Variants in PITPNA observed in about 807,000 individuals in gnomAD.
PITPNA encodes the protein phosphatidylinositol transfer protein alpha, also known as phosphatidylinositol transfer protein alpha isoform.
A neutral mutation model predicts 50.3 loss-of-function variants in PITPNA; 13 were observed. That is an observed-to-expected ratio of 0.26 (90% CI 0.17 to 0.41). The LOEUF (loss-of-function observed/expected upper bound fraction) is 0.41, where lower values mean the gene tolerates loss of function less well. Ranked by LOEUF, PITPNA falls within the 10% of genes least tolerant of loss-of-function variation. The probability of loss-of-function intolerance (pLI) is 1.00; values close to 1 mark genes in which losing one functional copy is unlikely to be tolerated. For missense variants in PITPNA, 207 were observed against 333.4 expected (o/e 0.62, Z 2.95); for synonymous variants, 120 against 119.6 (o/e 1.00, Z -0.02).
At chr17:1,535,952 TG>T (rs1197886282) in intron 7 of PITPNA, 1 of 194,200 alleles carries the variant, frequency 5.1e-6, no homozygotes, top group Non-Finnish European at 1.1e-5. Context: ...TCTCTGCAAG[TG>T]ACTCTAAAAT....
intron 7 of PITPNA, among the ~76,000 whole-genome samples, chr17:1,537,074 T>C (rs897816872): frequency 1.4e-5 from 2 of 147,868 alleles, no homozygotes; most frequent in African/African-American, 4.9e-5. Flanking sequence ...AATTTTGTAT[T>C]TTTTTTTTTT....
intron 10 of PITPNA, among the ~76,000 whole-genome samples, chr17:1,524,084 A>G (rs547262112): frequency 8.8e-5 from 12 of 135,696 alleles, no homozygotes; most frequent in African/African-American, 3.1e-4. Context: ...TCGCTCAGTC[A>G]CCCAGGCTGG....
chr17:1,557,762 C>T (rs1044619992), intron 2 of PITPNA, among the ~76,000 whole-genome samples: 3 of 152,178 alleles, frequency 2.0e-5, no homozygotes, highest in Non-Finnish European at 2.9e-5. Context: ...TATTCCCTGC[C>T]CTTCGTAAAA....
At chr17:1,550,034 G>A (rs1296234709) in intron 3 of PITPNA, among the ~76,000 whole-genome samples, 2 of 152,196 alleles carry the variant, frequency 1.3e-5, no homozygotes, top group African/African-American at 4.8e-5. Context: ...AACCTCATCA[G>A]CTTTAGTGCC....
chr17:1,546,994 T>TA (rs1048974355), intron 4 of PITPNA, among the ~76,000 whole-genome samples: 1 of 151,890 alleles, frequency 6.6e-6, no homozygotes, highest in Non-Finnish European at 1.5e-5. Flanking sequence ...TATTATAAAT[T>TA]AAAAAACAAA....
chr17:1,559,160 C>T (rs1046620705), intron 1 of PITPNA, among the ~76,000 whole-genome samples: 1 of 152,146 alleles, frequency 6.6e-6, no homozygotes, highest in Non-Finnish European at 1.5e-5. Flanking sequence ...GAACACACAC[C>T]GGGCATCTCT....
chr17:1,548,086 G>A (rs2075687364), intron 4 of PITPNA, among the ~76,000 whole-genome samples: 1 of 152,236 alleles, frequency 6.6e-6, no homozygotes, highest in African/African-American at 2.4e-5. Flanking sequence ...ATCCCCAAGT[G>A]AGAGACTGGC....
Position 1,520,274 on chromosome 17 carries a change from CG to C in PITPNA, c.*286del, listed in dbSNP as rs1567572980. The C allele has an allele frequency of 6.6e-6, 1 of 152,178 alleles. No homozygotes were observed. The highest frequency in any genetic ancestry group is 1.5e-5 in the Non-Finnish European group (1 of 68,004). 9.4% of individuals were successfully genotyped at this position (152,178 alleles called of 1,614,324 possible). A position where few individuals can be genotyped will look rare whatever the true frequency, so the allele number is the denominator to read the frequency against. ...GTTGGGGGAACACACAGAAATGGAT[CG>C]GAACACAATGGAGAGAGACGGAGGC... On this transcript the variant is annotated 3_prime_UTR_variant, in exon 12 of 12. Coordinates refer to ENST00000313486, the MANE Select transcript of PITPNA (RefSeq NM_006224.4).
At chr17:1,557,817 C>G (rs2075743517) in intron 2 of PITPNA, among the ~76,000 whole-genome samples, 1 of 152,200 alleles carries the variant, frequency 6.6e-6, no homozygotes, top group South Asian at 2.1e-4. Flanking sequence ...CCTATCGTGG[C>G]TAGGGAGAGC....
Position 1,562,261 on chromosome 17 carries a change from C to T in PITPNA, c.20+280G>A, listed in dbSNP as rs1567590379. On this transcript the variant is annotated intron_variant, in intron 1 of 11. Transcript: ENST00000313486. The surrounding 1 kb of genome is among the most constrained non-coding windows in gnomAD (Gnocchi z 6.4). ...CCCCTCCATGCCCCGGCTGCCCGTC[C>T]ATGCCCCGTGGGCCCCGGCTCAGAT... is the stretch of plus-strand genomic sequence containing the variant. Among the ~76,000 whole-genome samples, 1 of 151,748 alleles carries T rather than the reference C, an allele frequency of 6.6e-6. No individual in the cohort carries two copies. Among genetic ancestry groups the T allele is most frequent in the Non-Finnish European group, 1.5e-5 (1 of 67,860 alleles).
rs1415926265 is a variant in PITPNA at position 1,519,906 on chromosome 17, G to T, written c.*655C>A. ...GTAGTAACTAGAGATTCAGTGATTG[G>T]GACAGGGTTACTCGTATTTGTTAAA... On this transcript the variant is annotated 3_prime_UTR_variant, in exon 12 of 12. Coordinates refer to ENST00000313486, the MANE Select transcript of PITPNA (RefSeq NM_006224.4). 1 of 152,212 alleles carries T rather than the reference G, an allele frequency of 6.6e-6. No individual in the cohort carries two copies. Among genetic ancestry groups the T allele is most frequent in the Non-Finnish European group, 1.5e-5 (1 of 68,082 alleles). The allele number at this position is 152,212 out of a possible 1,614,324, so 9.4% of individuals were successfully genotyped here. A position where few individuals can be genotyped will look rare whatever the true frequency, so the allele number is the denominator to read the frequency against.
chr17:1,522,071 C>CTTT (rs1555530261), intron 10 of PITPNA, among the ~76,000 whole-genome samples: 2 of 141,668 alleles, frequency 1.4e-5, no homozygotes, highest in Admixed American at 7.0e-5. Flanking sequence ...TATGAAACAT[C>CTTT]TTTTTTTTTT....
At chr17:1,555,011 C>A (rs973490269) in intron 2 of PITPNA, among the ~76,000 whole-genome samples, 1 of 152,168 alleles carries the variant, frequency 6.6e-6, no homozygotes, top group Non-Finnish European at 1.5e-5. Context: ...TGGGTCAGGG[C>A]TTGGCTGAGC....
intron 4 of PITPNA, among the ~76,000 whole-genome samples, chr17:1,547,415 C>T (rs1278848875): frequency 6.6e-6 from 1 of 151,958 alleles, no homozygotes; most frequent in Non-Finnish European, 1.5e-5. Context: ...TCTGGGAGGC[C>T]GAGGCAGGTG....
intron 3 of PITPNA, among the ~76,000 whole-genome samples, chr17:1,551,545 G>A (rs965549125): frequency 5.3e-5 from 8 of 152,034 alleles, no homozygotes; most frequent in Admixed American, 3.9e-4. Context: ...CATCCGTCTC[G>A]GCCTCCCAAA....
rs574710349 is a variant in PITPNA at position 1,545,842 on chromosome 17, C to G, written c.289+2454G>C. The stretch of plus-strand genomic sequence containing the variant: ...TGTCCACACTTGCAACACATGCTCA[C>G]TGCGACTCTCTTAGACATCAAGAAA... On this transcript the variant is annotated intron_variant, in intron 4 of 11. Transcript: ENST00000313486. Among the ~76,000 whole-genome samples the G allele has an allele frequency of 1.3e-4, 19 of 151,684 alleles. No homozygotes were observed. In the East Asian group the frequency reaches 3.5e-3, roughly 28 times the overall value.
chr17:1,542,632 C>T (rs1248876126), intron 5 of PITPNA, among the ~76,000 whole-genome samples: 1 of 152,208 alleles, frequency 6.6e-6, no homozygotes, highest in Non-Finnish European at 1.5e-5. Flanking sequence ...AGAAACCCCG[C>T]TGACTTCACG....
At chr17:1,521,684 T>TGCTGATGG (rs1221105089) in intron 10 of PITPNA, 39 bp from the exon 11 acceptor site, 1 of 1,572,938 alleles carries the variant, frequency 6.4e-7, no homozygotes, top group Non-Finnish European at 8.7e-7. Context: ...AGGCTCCTGC[T>TGCTGATGG]GCTGATGGAA....
rs1351928413 is a variant in PITPNA at position 1,553,162 on chromosome 17, G to C, written c.52-13C>G. ...GCCCCACTTGATACTAAAGGACAGA[G>C]ACAGATGTTATTCTCAACACGGACC... On this transcript the variant is annotated splice_polypyrimidine_tract_variant and intron_variant, in intron 2 of 11. Transcript: ENST00000313486. The C allele has an allele frequency of 6.2e-7, 1 of 1,613,734 alleles. No individual in the cohort carries two copies.
Sources: gnomAD v4.1 joint callset for allele counts (sites outside exome capture counted in the v4.1 genomes callset) on GRCh38, gnomAD v4.1.1 for gene constraint, Gnocchi (gnomAD v3.1) non-coding constraint, MANE v1.5 for transcripts, NCBI Gene and HGNC (gene_info 2026-07-23, HGNC 2026-07-21) for gene names.